EFCAB6: variants seen among roughly 807,000 people sequenced by gnomAD.
EFCAB6 encodes EF-hand calcium-binding domain-containing protein 6.
In EFCAB6, 156 loss-of-function variants were observed where a neutral mutation model predicts 169.8. The ratio of observed to expected loss-of-function variants is 0.92; its 90% CI spans 0.81 to 1.05. The LOEUF is 1.05. Ranked by LOEUF, EFCAB6 falls within the 50% of genes least tolerant of loss-of-function variation. The pLI is 0.00. For synonymous variants in EFCAB6, 698 were observed against 676.4 expected (o/e 1.03, Z -0.50); for missense variants, 1,800 against 1,829.1 (o/e 0.98, Z 0.29).
At position 43,786,692 on chromosome 22, in the gene EFCAB6, C is replaced by T. The variant is rs1039400435; in HGVS notation, c.-7-4367G>A. Among the ~76,000 whole-genome samples, 24 of 149,566 alleles carry T rather than the reference C, an allele frequency of 1.6e-4. No individual in the cohort carries two copies. In the East Asian group the frequency reaches 2.2e-3, roughly 13 times the overall value. ...TCGCGCCACTGCACTCCAGCCTGGGCGATAGAGCGAGACTCCATAAAAAAA... is the reference window on the plus strand; with the variant it reads ...TCGCGCCACTGCACTCCAGCCTGGGTGATAGAGCGAGACTCCATAAAAAAA... On this transcript the variant is annotated intron_variant, in intron 2 of 31. Coordinates refer to ENST00000262726, the MANE Select transcript of EFCAB6 (RefSeq NM_022785.4).
At chr22:43,578,676 T>G (rs907318059) in intron 25 of EFCAB6, among the ~76,000 whole-genome samples, 1 of 152,146 alleles carries the variant, frequency 6.6e-6, no homozygotes, top group Non-Finnish European at 1.5e-5. Context: ...GCGGTCATCA[T>G]TCCCTACGTG....
chr22:43,543,360 C>T lies in EFCAB6; in HGVS notation c.3649-3003G>A, dbSNP rs571477159. 6.4e-4 allele frequency among the ~76,000 whole-genome samples: 98 copies of T among 152,328 alleles called. 3 individuals carry two copies. In the South Asian group the frequency reaches 0.017, roughly 26 times the overall value. On this transcript the variant is annotated intron_variant, in intron 27 of 31. Transcript: ENST00000262726. ...CCCACCTGCCCCCAGCCCTTCTCCTCGCACCTCTGCTGGTGCTCTAGATCC... is the reference window on the plus strand; with the variant it reads ...CCCACCTGCCCCCAGCCCTTCTCCTTGCACCTCTGCTGGTGCTCTAGATCC...
intron 21 of EFCAB6, among the ~76,000 whole-genome samples, chr22:43,614,373 A>G (rs1385079881): frequency 1.3e-5 from 2 of 152,048 alleles, no homozygotes; most frequent in Non-Finnish European, 2.9e-5. Context: ...CAACTCAACA[A>G]AGCAAAGACA....
chr22:43,641,616 CA>C lies in EFCAB6; in HGVS notation c.1984-6401del, dbSNP rs36039582. 5.4e-3 allele frequency among the ~76,000 whole-genome samples: 658 copies of C among 122,058 alleles called. 4 individuals carry two copies. The highest frequency in any genetic ancestry group is 9.8e-3 in the African/African-American group (322 of 32,852). 80.1% of individuals were successfully genotyped at this position (122,058 alleles called of 152,430 possible). ...GGGAGACAAAAGCAAAACTCCATCT[CA>C]AAAAAAAAAAAAAAATACTATGAGG... On this transcript the variant is annotated intron_variant, in intron 17 of 31. Transcript: ENST00000262726.
rs151009342 is a variant in EFCAB6 at position 43,789,005 on chromosome 22, T to C, written c.-7-6680A>G. ...CACATACTGTATCATTCCATTTATA[T>C]AAAATGTCCATAACAGGCAAATCTA... On this transcript the variant is annotated intron_variant, in intron 2 of 31. Coordinates refer to ENST00000262726, the MANE Select transcript of EFCAB6 (RefSeq NM_022785.4). Among the ~76,000 whole-genome samples, 72 of 152,250 alleles carry C rather than the reference T, an allele frequency of 4.7e-4. No homozygotes were observed. In the Middle Eastern group the frequency reaches 0.01, roughly 22 times the overall value.
At chr22:43,678,290 G>T in intron 12 of EFCAB6, 127 bp from the exon 13 acceptor site, 1 of 831,152 alleles carries the variant, frequency 1.2e-6, no homozygotes, top group Non-Finnish European at 1.8e-6. Context: ...GATTGGAAAT[G>T]CAAATACATC....
chr22:43,735,571 G>A (rs2060104475), intron 7 of EFCAB6, among the ~76,000 whole-genome samples: 2 of 152,196 alleles, frequency 1.3e-5, no homozygotes, highest in Non-Finnish European at 2.9e-5. Context: ...GAGACAATTG[G>A]TGATGGATTA....
chr22:43,618,654 A>T (rs2053911004), intron 20 of EFCAB6, among the ~76,000 whole-genome samples: 1 of 152,222 alleles, frequency 6.6e-6, no homozygotes, highest in Admixed American at 6.5e-5. Context: ...TGTGAACAGA[A>T]AAAGGTCCAA....
chr22:43,757,951 TGTTTGA>T (rs1286618273), intron 5 of EFCAB6, among the ~76,000 whole-genome samples: 2 of 152,364 alleles, frequency 1.3e-5, no homozygotes, highest in African/African-American at 4.8e-5. Flanking sequence ...TCTTTCTTTA[TGTTTGA>T]GTTTAGGTTT....
chr22:43,703,946 T>C (rs1319530107), intron 10 of EFCAB6, among the ~76,000 whole-genome samples: 1 of 152,002 alleles, frequency 6.6e-6, no homozygotes, highest in Non-Finnish European at 1.5e-5. Flanking sequence ...AGAAAGCATA[T>C]TTAAAGAAAT....
intron 7 of EFCAB6, 63 bp from the exon 8 acceptor site, chr22:43,731,874 C>T (rs2059963724): frequency 2.0e-6 from 2 of 981,474 alleles, no homozygotes; most frequent in Non-Finnish European, 2.9e-6. Context: ...AAGTTTGTTA[C>T]TAAGGTATCC....
At chr22:43,779,914 C>A (rs1023362726) in intron 3 of EFCAB6, among the ~76,000 whole-genome samples, 3 of 152,032 alleles carry the variant, frequency 2.0e-5, no homozygotes, top group Admixed American at 6.6e-5. Flanking sequence ...AAAAGACCAA[C>A]CCAAAGTAGG....
At chr22:43,620,593 G>A (rs2147777259) in intron 20 of EFCAB6, among the ~76,000 whole-genome samples, 1 of 152,272 alleles carries the variant, frequency 6.6e-6, no homozygotes, top group Non-Finnish European at 1.5e-5. Flanking sequence ...ATGTCCTATA[G>A]GAAGTTCTTC....
intron 24 of EFCAB6, among the ~76,000 whole-genome samples, chr22:43,589,500 A>C (rs1220473518): frequency 6.6e-6 from 1 of 151,306 alleles, no homozygotes; most frequent in Non-Finnish European, 1.5e-5. Context: ...AATAAAAATT[A>C]ATGTTGGCTG....
rs1172235976 is a variant in EFCAB6, at chr22:43,784,658, TATATAC to T, written c.-7-2339_-7-2334del. Among the ~76,000 whole-genome samples, 78 of 98,596 alleles carry T rather than the reference TATATAC, an allele frequency of 7.9e-4. 2 individuals are homozygous for T. The highest frequency in any genetic ancestry group is 2.8e-3 in the African/African-American group (72 of 25,406). The allele number at this position is 98,596 out of a possible 152,430, so 64.7% of individuals were successfully genotyped here. ...GTATATGTACACATATATATGTGTA[TATATAC>T]ATATACATATATACACACACACACA... On this transcript the variant is annotated intron_variant, in intron 2 of 31. Coordinates refer to ENST00000262726, the MANE Select transcript of EFCAB6 (RefSeq NM_022785.4).
chr22:43,561,006 C>T (rs2048995155), intron 26 of EFCAB6, among the ~76,000 whole-genome samples: 2 of 152,106 alleles, frequency 1.3e-5, no homozygotes, highest in Non-Finnish European at 2.9e-5. Context: ...GCTGGCCGCC[C>T]GTGCAAATAC....
At chr22:43,631,257 G>A (rs1010716488) in intron 19 of EFCAB6, among the ~76,000 whole-genome samples, 2 of 151,788 alleles carry the variant, frequency 1.3e-5, no homozygotes, top group Admixed American at 6.5e-5. Context: ...CTCGGGGTTC[G>A]CCTTATTGAC....
chr22:43,614,069 T>G (rs1296006386), intron 21 of EFCAB6, among the ~76,000 whole-genome samples: 1 of 150,614 alleles, frequency 6.6e-6, no homozygotes, highest in Non-Finnish European at 1.5e-5. Context: ...CTCAATAGCA[T>G]CAAATATAGG....
intron 30 of EFCAB6, among the ~76,000 whole-genome samples, chr22:43,534,487 A>G (rs976303603): frequency 7.2e-5 from 11 of 151,930 alleles, no homozygotes; most frequent in African/African-American, 2.7e-4. Context: ...TTAGCTGGAT[A>G]TGGCAGCTTG....
Sources: gnomAD v4.1 joint callset for allele counts (sites outside exome capture counted in the v4.1 genomes callset) on GRCh38, gnomAD v4.1.1 for gene constraint, MANE v1.5 for transcripts, NCBI Gene and HGNC (gene_info 2026-07-23, HGNC 2026-07-21) for gene names.